The following OTOGL variants were observed in gnomAD, a reference collection of about 807,000 sequenced individuals.
OTOGL encodes the protein otogelin like.
OTOGL carries 285 observed loss-of-function variants against 318.5 expected under a neutral mutation model. That is an observed-to-expected ratio of 0.89 (90% CI 0.81 to 0.99). The LOEUF (loss-of-function observed/expected upper bound fraction) is 0.99, where lower values mean the gene tolerates loss of function less well. Ranked by LOEUF, OTOGL falls within the 50% of genes least tolerant of loss-of-function variation. The pLI is 0.00. For synonymous variants in OTOGL, 987 were observed against 936.5 expected, an observed-to-expected ratio of 1.05 and a Z score of -0.99; for missense variants, 2,899 against 2,845.6, an observed-to-expected ratio of 1.02 and a Z score of -0.43.
At chr12:80,131,634 C>G (rs1213976368) in intron 1 of OTOGL, among the ~76,000 whole-genome samples, 1 of 152,086 alleles carries the variant, frequency 6.6e-6, no homozygotes, top group Admixed American at 6.5e-5. Context: ...AGGTACCATA[C>G]AATTTTCTCT....
intron 44 of OTOGL, among the ~76,000 whole-genome samples, chr12:80,348,165 T>C (rs1394819263): frequency 2.2e-5 from 3 of 136,318 alleles, no homozygotes; most frequent in Admixed American, 1.5e-4. Context: ...GTTGCCATTG[T>C]TTTTGGTGTT....
intron 29 of OTOGL, 48 bp downstream of exon 29, chr12:80,305,743 T>C (rs1886068615): frequency 7.4e-7 from 1 of 1,343,134 alleles, no homozygotes; most frequent in East Asian, 2.7e-5. Context: ...TTTTTAAGAA[T>C]ATTTTTTCAC....
chr12:80,105,527 G>T (rs770000135), intron 1 of OTOGL, among the ~76,000 whole-genome samples: 26 of 152,084 alleles, frequency 1.7e-4, no homozygotes, highest in Non-Finnish European at 3.1e-4. Context: ...TATTATTATT[G>T]TTCTTGGGCA....
At chr12:80,190,786 CAAAAAAAA>C (rs55950528) in intron 1 of OTOGL, among the ~76,000 whole-genome samples, 1,660 of 73,486 alleles carry the variant, frequency 0.023, 42 homozygotes, top group East Asian at 0.17. Flanking sequence ...GACTCCGTCT[CAAAAAAAA>C]AAAAAAAAAA....
chr12:80,311,159 T>C (rs1886611207), intron 30 of OTOGL, among the ~76,000 whole-genome samples: 1 of 152,318 alleles, frequency 6.6e-6, no homozygotes, highest in Admixed American at 6.5e-5. Flanking sequence ...TATTTAGAAA[T>C]TTCGTTTTCA....
At chr12:80,215,941 A>G (rs1565904173) in intron 4 of OTOGL, among the ~76,000 whole-genome samples, 1 of 152,204 alleles carries the variant, frequency 6.6e-6, no homozygotes, top group African/African-American at 2.4e-5. Flanking sequence ...AGTATTGAGA[A>G]CAGGAGACAA....
chr12:80,332,929 C>T, intron 37 of OTOGL, 76 bp from the exon 38 acceptor site: 1 of 1,206,864 alleles, frequency 8.3e-7, no homozygotes, highest in Admixed American at 2.1e-5. Flanking sequence ...TTTCTTAGCA[C>T]AGTTTCTGTC....
chr12:80,338,883 A>G (rs959901351), intron 42 of OTOGL, among the ~76,000 whole-genome samples, 192 bp from the exon 43 acceptor site: 1 of 152,078 alleles, frequency 6.6e-6, no homozygotes, highest in Non-Finnish European at 1.5e-5. Flanking sequence ...CATATTGACT[A>G]GAGCAAGGCA....
chr12:80,186,256 G>A (rs895870502), intron 1 of OTOGL, among the ~76,000 whole-genome samples: 2 of 152,166 alleles, frequency 1.3e-5, no homozygotes, highest in African/African-American at 4.8e-5. Flanking sequence ...GGTCTGAGAT[G>A]TGAAACTCTG....
At chr12:80,243,434 C>T (rs2137451129) in intron 11 of OTOGL, among the ~76,000 whole-genome samples, 1 of 151,986 alleles carries the variant, frequency 6.6e-6, no homozygotes, top group Middle Eastern at 3.4e-3. Context: ...TACCAATACT[C>T]CTACCCTAAA....
At chr12:80,229,476 AGG>A in intron 8 of OTOGL, 98 bp downstream of exon 8, 1 of 1,412,728 alleles carries the variant, frequency 7.1e-7, no homozygotes, top group Non-Finnish European at 9.6e-7. Flanking sequence ...GTAGGAAGAG[AGG>A]ATTTCTTCAA....
rs1395841645 is a variant in OTOGL, at chr12:80,358,845, A to T, written c.6227-15A>T. Reference sequence around the variant, plus strand: ...TATTTTGATCAATGTAAATATGTTGATTTTTGCCTTTTAGAATGTAACTGT... The same window carrying T: ...TATTTTGATCAATGTAAATATGTTGTTTTTTGCCTTTTAGAATGTAACTGT... On this transcript the variant is annotated splice_polypyrimidine_tract_variant and intron_variant, in intron 51 of 58. Transcript: ENST00000547103. The T allele has an allele frequency of 2.0e-6, 3 of 1,530,118 alleles. No individual in the cohort carries two copies. The highest frequency in any genetic ancestry group is 2.4e-5 in the East Asian group (1 of 40,934). 94.8% of individuals were successfully genotyped at this position (1,530,118 alleles called of 1,614,324 possible).
intron 44 of OTOGL, among the ~76,000 whole-genome samples, chr12:80,346,806 T>C (rs1489584714): frequency 6.6e-6 from 1 of 152,108 alleles, no homozygotes; most frequent in African/African-American, 2.4e-5. Context: ...ATTTGGGATG[T>C]GGAAGGGGTA....
intron 1 of OTOGL, among the ~76,000 whole-genome samples, chr12:80,125,765 C>T (rs561261235): frequency 4.6e-5 from 7 of 151,960 alleles, no homozygotes; most frequent in Admixed American, 1.3e-4. Context: ...GTTTAGTCTT[C>T]GGAGGGTGTA....
intron 11 of OTOGL, among the ~76,000 whole-genome samples, chr12:80,251,127 C>A (rs536205038): frequency 6.6e-6 from 1 of 152,196 alleles, no homozygotes; most frequent in Admixed American, 6.5e-5. Flanking sequence ...GGCACATATA[C>A]ATCATGGAAT....
intron 1 of OTOGL, among the ~76,000 whole-genome samples, chr12:80,182,082 G>A (rs755089175): frequency 2.0e-5 from 3 of 152,098 alleles, no homozygotes; most frequent in African/African-American, 4.8e-5. Flanking sequence ...GAGCCCAGAG[G>A]TTGAGACTAC....
At chr12:80,219,470 G>C (rs1878080913) in intron 5 of OTOGL, among the ~76,000 whole-genome samples, 1 of 152,208 alleles carries the variant, frequency 6.6e-6, no homozygotes, top group Non-Finnish European at 1.5e-5. Context: ...GCCAAACTCT[G>C]TCAACGGAAT....
chr12:80,289,295 A>C (rs978561574), intron 26 of OTOGL, among the ~76,000 whole-genome samples: 1 of 152,094 alleles, frequency 6.6e-6, no homozygotes, highest in Non-Finnish European at 1.5e-5. Flanking sequence ...CACGCATCTG[A>C]TGCCAGCCAG....
intron 1 of OTOGL, among the ~76,000 whole-genome samples, chr12:80,195,601 G>A (rs1876001549): frequency 6.6e-6 from 1 of 152,176 alleles, no homozygotes; most frequent in Non-Finnish European, 1.5e-5. Flanking sequence ...AGATCACAAT[G>A]TGTATTACTC....
Sources: gnomAD v4.1 joint callset for allele counts (sites outside exome capture counted in the v4.1 genomes callset) on GRCh38, gnomAD v4.1.1 for gene constraint, MANE v1.5 for transcripts, NCBI Gene and HGNC (gene_info 2026-07-23, HGNC 2026-07-21) for gene names.